The following VTA1 variants were observed in gnomAD, a reference collection of about 807,000 sequenced individuals.
VTA1 encodes the protein vacuolar protein sorting-associated protein VTA1 homolog.
VTA1 carries 24 observed loss-of-function variants against 36.9 expected under a neutral mutation model. The ratio of observed to expected loss-of-function variants is 0.65; its 90% CI spans 0.47 to 0.91. The LOEUF (loss-of-function observed/expected upper bound fraction) is 0.91, where lower values mean the gene tolerates loss of function less well. VTA1 is among the 40% of genes least tolerant of loss of function. The probability of loss-of-function intolerance (pLI) is 0.00; values close to 1 mark genes in which losing one functional copy is unlikely to be tolerated. For synonymous variants in VTA1, 142 were observed against 130.2 expected (o/e 1.09, Z -0.62); for missense variants, 393 against 377.2 (o/e 1.04, Z -0.35).
chr6:142,170,409 A>G lies in VTA1; in HGVS notation c.399A>G (p.Glu133=), dbSNP rs372637467. The part of the protein sequence containing the change: ...LLIDVITVFG[E]LTDENVKHRK... ...TAGATGTCATAACAGTATTTGGAGA[A>G]CTCACTGATGAAGTGAGTGTACATT... Residue 133 remains glutamate (E), a synonymous_variant, in exon 4 of 8, where the codon GAA becomes GAG. Coordinates refer to ENST00000367630, the MANE Select transcript of VTA1 (RefSeq NM_016485.5). 121 of 1,599,190 alleles carry G rather than the reference A, an allele frequency of 7.6e-5. No homozygotes were observed. The highest frequency in any genetic ancestry group is 2.4e-4 in the Admixed American group (14 of 58,626).
intron 1 of VTA1, among the ~76,000 whole-genome samples, chr6:142,164,653 A>G (rs537894762): frequency 9.4e-4 from 143 of 152,306 alleles, no homozygotes; most frequent in African/African-American, 3.2e-3. Context: ...CAGATATTCA[A>G]CTTTGTTATA....
intron 5 of VTA1, among the ~76,000 whole-genome samples, chr6:142,191,419 A>G (rs892340337): frequency 2.6e-5 from 4 of 152,166 alleles, no homozygotes; most frequent in African/African-American, 9.6e-5. Context: ...CTTTGAAAGT[A>G]GGAAGTGTGC....
intron 4 of VTA1, among the ~76,000 whole-genome samples, chr6:142,172,539 C>T (rs970009020): frequency 8.5e-5 from 13 of 152,134 alleles, no homozygotes; most frequent in Middle Eastern, 3.2e-3. Context: ...AACTGATACC[C>T]GGAGTGTGAA....
chr6:142,176,617 A>T (rs1191622363), intron 4 of VTA1, among the ~76,000 whole-genome samples: 48 of 144,586 alleles, frequency 3.3e-4, no homozygotes, highest in South Asian at 6.5e-4. Flanking sequence ...TTTTTTTTTT[A>T]AATTTTCAAT....
Position 142,147,353 on chromosome 6 carries a change from G to A in VTA1, c.66G>A (p.Arg22=). The change falls in exon 1 of 8, where the codon AGG becomes AGA. Residue 22 remains arginine (R), a synonymous_variant. Transcript: ENST00000367630. Reference sequence around the variant, plus strand: ...TCAAGAGCATACAGCATCATCTGAGGACGGCTCAGGAGCATGACAAGCGAG... The same window carrying A: ...TCAAGAGCATACAGCATCATCTGAGAACGGCTCAGGAGCATGACAAGCGAG... ...AQFKSIQHHL[R]TAQEHDKRDP... The A allele has an allele frequency of 6.2e-7, 1 of 1,614,194 alleles. No homozygotes were observed. Among genetic ancestry groups the A allele is most frequent in the Non-Finnish European group, 8.5e-7 (1 of 1,180,022 alleles).
chr6:142,169,376 T>G (rs1360463864), intron 2 of VTA1, among the ~76,000 whole-genome samples, 174 bp from the exon 3 acceptor site: 1 of 152,208 alleles, frequency 6.6e-6, no homozygotes, highest in Non-Finnish European at 1.5e-5. Flanking sequence ...GGATTTTGTT[T>G]TAAATGCATT....
chr6:142,186,834 A>G (rs1582891920), intron 4 of VTA1, among the ~76,000 whole-genome samples: 1 of 152,084 alleles, frequency 6.6e-6, no homozygotes, highest in African/African-American at 2.4e-5. Flanking sequence ...TAAAAAAAAA[A>G]GCTAGATGGC....
intron 4 of VTA1, among the ~76,000 whole-genome samples, chr6:142,187,371 G>C (rs945976618): frequency 6.6e-6 from 1 of 152,190 alleles, no homozygotes; most frequent in African/African-American, 2.4e-5. Context: ...TACCTAAAAA[G>C]TGTCCCTTGG....
At chr6:142,192,911 A>G (rs572739921) in intron 5 of VTA1, among the ~76,000 whole-genome samples, 15 of 152,256 alleles carry the variant, frequency 9.9e-5, no homozygotes, top group Admixed American at 2.6e-4. Context: ...TTTCCTCAGA[A>G]GAGTGGCATT....
At chr6:142,152,251 T>C (rs1477033005) in intron 1 of VTA1, among the ~76,000 whole-genome samples, 1 of 152,128 alleles carries the variant, frequency 6.6e-6, no homozygotes, top group Admixed American at 6.5e-5. Flanking sequence ...ATCACAGGAA[T>C]TGAGAAAATG....
chr6:142,184,636 T>G (rs1775306509), intron 4 of VTA1, among the ~76,000 whole-genome samples: 1 of 152,078 alleles, frequency 6.6e-6, no homozygotes, highest in Non-Finnish European at 1.5e-5. Flanking sequence ...AAGGAAACCA[T>G]GTTAGATAAG....
Position 142,189,519 on chromosome 6 carries a change from A to G in VTA1, c.505A>G (p.Ile169Val). 2 of 1,604,712 alleles carry G rather than the reference A, an allele frequency of 1.2e-6. No homozygotes were observed. The highest frequency in any genetic ancestry group is 1.7e-6 in the Non-Finnish European group (2 of 1,174,418). The change falls in exon 5 of 8, where the codon ATT becomes GTT. Residue 169 changes from isoleucine to valine, a missense_variant. Ile to Val is a conservative substitution (Grantham distance 29). Transcript: ENST00000367630. ...GETPQAGPVG[I>V]EEDNDIEENE... ...GACTCCTCAAGCAGGCCCTGTTGGA[A>G]TTGAAGAAGATAATGGTATGTATTT...
At chr6:142,153,294 G>A (rs961049572) in intron 1 of VTA1, among the ~76,000 whole-genome samples, 1 of 151,726 alleles carries the variant, frequency 6.6e-6, no homozygotes, top group Non-Finnish European at 1.5e-5. Context: ...TAGATAACCT[G>A]TAAAACTTAT....
chr6:142,205,589 A>G (rs1432643941), intron 7 of VTA1, among the ~76,000 whole-genome samples: 1 of 152,186 alleles, frequency 6.6e-6, no homozygotes, highest in Non-Finnish European at 1.5e-5. Flanking sequence ...GAAATATAAG[A>G]AAGGGTGAAA....
In VTA1 at chr6:142,177,488, T is replaced by TA. The variant is rs1444797849; in HGVS notation, c.411+7074dup. Among the ~76,000 whole-genome samples the TA allele has an allele frequency of 3.3e-5, 5 of 152,260 alleles. No homozygotes were observed. The East Asian group carries it at 9.7e-4, about 29-fold the overall frequency. On this transcript the variant is annotated intron_variant, in intron 4 of 7. Coordinates refer to ENST00000367630, the MANE Select transcript of VTA1 (RefSeq NM_016485.5). ...CAAAGTGCCTAGCATGTAAGTGCTT[T>TA]AAAAAAATTGGCTCTTGCAGATTCT... is the stretch of plus-strand genomic sequence containing the variant.
intron 1 of VTA1, among the ~76,000 whole-genome samples, chr6:142,153,733 A>T (rs142075642): frequency 8.5e-5 from 13 of 152,266 alleles, no homozygotes; most frequent in Non-Finnish European, 1.8e-4. Flanking sequence ...TAATGTAAGT[A>T]GCAGCAAAAT....
At chr6:142,215,018 A>C (rs951673221) in intron 7 of VTA1, among the ~76,000 whole-genome samples, 1 of 152,182 alleles carries the variant, frequency 6.6e-6, no homozygotes, top group Non-Finnish European at 1.5e-5. Flanking sequence ...AATATATTGT[A>C]ATGAATTTAT....
chr6:142,161,460 A>G (rs1774807428), intron 1 of VTA1, among the ~76,000 whole-genome samples: 2 of 152,112 alleles, frequency 1.3e-5, no homozygotes, highest in Admixed American at 6.5e-5. Context: ...AATTCTAAGG[A>G]ACTTTGGATT....
At chr6:142,194,169 T>C (rs1351634799) in intron 5 of VTA1, among the ~76,000 whole-genome samples, 1 of 152,226 alleles carries the variant, frequency 6.6e-6, no homozygotes, top group East Asian at 1.9e-4. Context: ...CTGTTTGGAT[T>C]TTGGAGTCAA....
Sources: allele counts gnomAD v4.1 joint callset (sites outside exome capture counted in the v4.1 genomes callset), GRCh38; gene constraint gnomAD v4.1.1; transcripts MANE v1.5; gene names NCBI Gene and HGNC (gene_info 2026-07-23, HGNC 2026-07-21).